ATP11B: variants seen among roughly 807,000 people sequenced by gnomAD.
ATP11B encodes the protein phospholipid-transporting ATPase IF.
ATP11B carries 81 observed loss-of-function variants against 157.8 expected under a neutral mutation model. The observed-to-expected ratio is 0.51, with a 90% CI of 0.43 to 0.62. The LOEUF (loss-of-function observed/expected upper bound fraction) is 0.62, where lower values mean the gene tolerates loss of function less well. Ranked by LOEUF, ATP11B falls within the 20% of genes least tolerant of loss-of-function variation. ATP11B has a pLI of 0.00. For synonymous variants in ATP11B, 451 were observed against 469.4 expected (o/e 0.96, Z 0.51); for missense variants, 1,165 against 1,402.2 (o/e 0.83, Z 2.70).
intron 1 of ATP11B, among the ~76,000 whole-genome samples, chr3:182,815,849 T>A (rs1716939256): frequency 6.6e-6 from 1 of 152,204 alleles, no homozygotes; most frequent in South Asian, 2.1e-4. Flanking sequence ...ATCTTTGGGA[T>A]TTTAAGATAA....
chr3:182,884,952 T>A (rs1460384427), intron 22 of ATP11B, 54 bp downstream of exon 22: 6 of 1,049,700 alleles, frequency 5.7e-6, no homozygotes, highest in Non-Finnish European at 8.1e-6. Flanking sequence ...GAAGTTTCAA[T>A]TTAAGGAATG....
At chr3:182,807,119 A>G (rs563185781) in intron 1 of ATP11B, among the ~76,000 whole-genome samples, 2 of 152,202 alleles carry the variant, frequency 1.3e-5, no homozygotes, top group Non-Finnish European at 2.9e-5. Flanking sequence ...CCCAAAGCCA[A>G]TAGCCAATTA....
Position 182,918,546 on chromosome 3 carries a change from T to G in ATP11B, c.*442T>G, listed in dbSNP as rs1459799076. 1.3e-5 allele frequency: 5 copies of G among 393,740 alleles called. No homozygotes were observed. The highest frequency in any genetic ancestry group is 1.0e-4 in the African/African-American group (5 of 48,496). 24.4% of individuals were successfully genotyped at this position (393,740 alleles called of 1,614,324 possible). ...AAGTTTGCCTTGAGAACTCTATTTT[T>G]TTATTAGAGTTATATTTAAAGCTTT... On this transcript the variant is annotated 3_prime_UTR_variant, in exon 30 of 30. Transcript: ENST00000323116.
chr3:182,868,649 G>A (rs757929446), intron 15 of ATP11B, among the ~76,000 whole-genome samples: 2 of 152,008 alleles, frequency 1.3e-5, no homozygotes, highest in East Asian at 1.9e-4. Flanking sequence ...GGTGTATTAG[G>A]ACAGAAAAAA....
In ATP11B at chr3:182,921,252, T is replaced by G. The variant is rs910125958; in HGVS notation, c.*3148T>G. On this transcript the variant is annotated 3_prime_UTR_variant, in exon 30 of 30. Coordinates refer to ENST00000323116, the MANE Select transcript of ATP11B (RefSeq NM_014616.3). ...ACACACCAAAGAGTTACGTAAAACATGTTTTATTAATTTTGGTCCCCACGT... is the reference window on the plus strand; with the variant it reads ...ACACACCAAAGAGTTACGTAAAACAGGTTTTATTAATTTTGGTCCCCACGT... The G allele has an allele frequency of 6.6e-6, 1 of 152,218 alleles. No homozygotes were observed. The highest frequency in any genetic ancestry group is 2.4e-5 in the African/African-American group (1 of 41,462). The allele number at this position is 152,218 out of a possible 1,614,324, so 9.4% of individuals were successfully genotyped here. A position where few individuals can be genotyped will look rare whatever the true frequency, so the allele number is the denominator to read the frequency against.
chr3:182,867,443 C>G lies in ATP11B; in HGVS notation c.1687C>G (p.Arg563Gly). ...MEVKTLGKLE[R>G]YKLLHILEFD... ...GGTTAAAACTCTTGGAAAACTGGAA[C>G]GGTAATTTTTTTTCATATATTGGAA... The change falls in exon 15 of 30, where the codon CGG (arginine) becomes GGG (glycine). Residue 563 changes from arginine (R) to glycine (G), a missense_variant and splice_region_variant. By Grantham distance (125) the Arg-to-Gly change is moderately radical. Around this residue, in one of 4 missense-constraint regions of ATP11B, gnomAD observed 737 missense variants for 930.5 expected, o/e 0.79. Coordinates refer to ENST00000323116, the MANE Select transcript of ATP11B (RefSeq NM_014616.3). 1 of 1,597,844 alleles carries G rather than the reference C, an allele frequency of 6.3e-7. No homozygotes were observed. Among genetic ancestry groups the G allele is most frequent in the Non-Finnish European group, 8.6e-7 (1 of 1,165,980 alleles).
At chr3:182,879,053 G>A (rs1195802578) in intron 19 of ATP11B, among the ~76,000 whole-genome samples, 3 of 152,032 alleles carry the variant, frequency 2.0e-5, no homozygotes, top group African/African-American at 7.2e-5. Flanking sequence ...CAGGCAGATC[G>A]CTTGAGGTCA....
chr3:182,827,454 A>G, intron 2 of ATP11B, among the ~76,000 whole-genome samples: 1 of 152,104 alleles, frequency 6.6e-6, no homozygotes, highest in Non-Finnish European at 1.5e-5. Context: ...GTCCAAGGTC[A>G]TTTAGTGAGT....
In ATP11B at chr3:182,897,339, C is replaced by A; in HGVS notation, c.3085C>A (p.His1029Asn). The A allele has an allele frequency of 6.3e-7, 1 of 1,586,110 alleles. No homozygotes were observed. Among genetic ancestry groups the A allele is most frequent in the African/African-American group, 1.4e-5 (1 of 73,020 alleles). ...AACTCATTTTTGGACTTGGATCAAC[C>A]ATCTCGTTACCTGGGGATCTATTAT... is the stretch of plus-strand genomic sequence containing the variant. ...LETHFWTWINHLVTWGSIIFY... is the reference protein window; with the variant it reads ...LETHFWTWINNLVTWGSIIFY... Residue 1029 changes from histidine (H) to asparagine (N), a missense_variant, in exon 27 of 30, where the codon CAT becomes AAT. His to Asn is a moderately conservative substitution (Grantham distance 68). Transcript: ENST00000323116.
chr3:182,847,328 TGCGCCCG>T (rs1719612962), intron 9 of ATP11B, among the ~76,000 whole-genome samples: 1 of 152,186 alleles, frequency 6.6e-6, no homozygotes, highest in African/African-American at 2.4e-5. Flanking sequence ...CGTGAGCCAC[TGCGCCCG>T]GCCAACACAT....
rs138835629 is a variant in ATP11B, at chr3:182,894,164, C to A, written c.2983-2536C>A. Among the ~76,000 whole-genome samples the A allele has an allele frequency of 9.0e-3, 1,364 of 152,258 alleles. 82 individuals are homozygous for A. The highest frequency in any genetic ancestry group is 0.07 in the Admixed American group (1,068 of 15,286). On this transcript the variant is annotated intron_variant, in intron 25 of 29. Transcript: ENST00000323116. ...TCTACTGATTATTTCTTCTGCAGTG[C>A]AGAAGCTTTTTGGTTAATTAAGTCC...
chr3:182,872,280 T>C (rs1428465335), intron 17 of ATP11B, 76 bp from the exon 18 acceptor site: 12 of 1,098,000 alleles, frequency 1.1e-5, no homozygotes, highest in Non-Finnish European at 1.6e-5. Flanking sequence ...TCAGTGTATT[T>C]TGATAGTGAC....
intron 10 of ATP11B, among the ~76,000 whole-genome samples, chr3:182,854,331 A>G (rs968540811): frequency 1.3e-5 from 2 of 152,020 alleles, no homozygotes; most frequent in Admixed American, 6.6e-5. Context: ...TTAGCCGGGC[A>G]TGGTGGTGCA....
intron 2 of ATP11B, among the ~76,000 whole-genome samples, chr3:182,824,773 T>C (rs1717605001): frequency 6.6e-6 from 1 of 152,236 alleles, no homozygotes; most frequent in African/African-American, 2.4e-5. Flanking sequence ...TACGCCACTA[T>C]TGCTTTCATA....
At chr3:182,811,696 C>T (rs368005991) in intron 1 of ATP11B, among the ~76,000 whole-genome samples, 11 of 152,074 alleles carry the variant, frequency 7.2e-5, no homozygotes, top group Admixed American at 4.6e-4. Flanking sequence ...TATGATTATT[C>T]GGGAACATTA....
rs1716885883 is a variant in ATP11B, at chr3:182,814,944, G to C, written c.28-5316G>C. 3.9e-5 allele frequency among the ~76,000 whole-genome samples: 6 copies of C among 152,250 alleles called. No homozygotes were observed. In the South Asian group the frequency reaches 1.2e-3, roughly 32 times the overall value. On this transcript the variant is annotated intron_variant, in intron 1 of 29. Coordinates refer to ENST00000323116, the MANE Select transcript of ATP11B (RefSeq NM_014616.3). ...TAACACATGCCTTCCTTTGTCTCTG[G>C]GGAATGAGGGGCATCAGCTAAAGCT...
intron 2 of ATP11B, among the ~76,000 whole-genome samples, chr3:182,825,722 C>CA (rs1214752270): frequency 0.042 from 3,731 of 89,548 alleles, 119 homozygotes; most frequent in African/African-American, 0.091. Flanking sequence ...GACTCTGTCT[C>CA]AAAAAAAAAA....
chr3:182,918,072 A>G lies in ATP11B; in HGVS notation c.3502A>G (p.Thr1168Ala). The G allele has an allele frequency of 1.9e-6, 3 of 1,613,140 alleles. No homozygotes were observed. Among genetic ancestry groups the G allele is most frequent in the Non-Finnish European group, 2.5e-6 (3 of 1,179,440 alleles). Residue 1168 changes from threonine to alanine, a missense_variant, in exon 30 of 30, where the codon ACT (threonine) becomes GCT (alanine). Thr to Ala is a moderately conservative substitution (Grantham distance 58, BLOSUM62 0). Transcript: ENST00000323116. ...PFYTNDRSIL[T>A]LSTMDSSTC Reference sequence around the variant, plus strand: ...CTATACCAACGACAGGAGCATCTTGACTCTCTCCACAATGGACTCATCTAC... The same window carrying G: ...CTATACCAACGACAGGAGCATCTTGGCTCTCTCCACAATGGACTCATCTAC...
In ATP11B at chr3:182,914,145, A is replaced by G. The variant is rs114736822; in HGVS notation, c.3452+151A>G. The G allele has an allele frequency of 1.0e-3, 1,461 of 1,456,866 alleles. 2 individuals carry two copies. Among genetic ancestry groups the G allele is most frequent in the Non-Finnish European group, 1.1e-3 (1,204 of 1,111,806 alleles). 90.2% of individuals were successfully genotyped at this position (1,456,866 alleles called of 1,614,324 possible). On this transcript the variant is annotated intron_variant, in intron 29 of 29. Transcript: ENST00000323116. ...ATTTATTAGCACTCTTTGGTGGTAG[A>G]TTTCACTTTGTGGCTTTGGGGTAAG...
Sources: allele counts gnomAD v4.1 joint callset (sites outside exome capture counted in the v4.1 genomes callset), GRCh38; gene constraint gnomAD v4.1.1; regional missense constraint gnomAD v4.1.1; transcripts MANE v1.5; gene names NCBI Gene and HGNC (gene_info 2026-07-23, HGNC 2026-07-21).